MRPL33: variants seen among roughly 807,000 people sequenced by gnomAD.
MRPL33 encodes the protein mitochondrial ribosomal protein L33.
A neutral mutation model predicts 10.1 loss-of-function variants in MRPL33; 5 were observed. The ratio of observed to expected loss-of-function variants is 0.49; its 90% CI spans 0.26 to 1.04. The LOEUF is 1.04. Ranked by LOEUF, MRPL33 falls within the 50% of genes least tolerant of loss-of-function variation. The pLI, the probability that MRPL33 is intolerant of heterozygous loss-of-function variation, is 0.14. For synonymous variants in MRPL33, 24 were observed against 27.7 expected (o/e 0.87, Z 0.42); for missense variants, 79 against 78.1 (o/e 1.01, Z -0.04).
intron 3 of MRPL33, 72 bp from the exon 4 acceptor site, chr2:27,779,361 T>TA (rs1677232695): frequency 8.1e-6 from 12 of 1,488,708 alleles, no homozygotes; most frequent in Non-Finnish European, 9.1e-7. Flanking sequence ...TATGGTCTGA[T>TA]ATGTATTTTT....
intron 2 of MRPL33, among the ~76,000 whole-genome samples, chr2:27,773,179 C>T (rs1037934855): frequency 7.9e-5 from 12 of 152,152 alleles, no homozygotes; most frequent in Non-Finnish European, 1.8e-4. Context: ...TTAAAGATTC[C>T]ATGCTGTACC....
Position 27,772,654 on chromosome 2 carries a change from C to T in MRPL33, c.23-20C>T, listed in dbSNP as rs1309431905. The T allele has an allele frequency of 1.3e-6, 2 of 1,583,014 alleles. No homozygotes were observed. The highest frequency in any genetic ancestry group is 1.1e-5 in the South Asian group (1 of 87,780). On this transcript the variant is annotated intron_variant, in intron 1 of 3. Transcript: ENST00000296102. ...TTATATTTTTATTTTCTTTTCCAACCCTTCCTGTCTACAAAAAAGTTGCCA... is the reference window on the plus strand; with the variant it reads ...TTATATTTTTATTTTCTTTTCCAACTCTTCCTGTCTACAAAAAAGTTGCCA...
intron 1 of MRPL33, chr2:27,772,181 A>C (rs1460460334): frequency 3.5e-6 from 1 of 287,678 alleles, no homozygotes; most frequent in African/African-American, 2.2e-5. Context: ...GAATTGCCTG[A>C]GTAATGCGGC....
At chr2:27,778,185 C>G (rs1677211270) in intron 3 of MRPL33, among the ~76,000 whole-genome samples, 1 of 152,114 alleles carries the variant, frequency 6.6e-6, no homozygotes, top group Non-Finnish European at 1.5e-5. Flanking sequence ...CCTACTAAAC[C>G]AGAATTAAGG....
chr2:27,779,323 A>G, intron 3 of MRPL33, 110 bp from the exon 4 acceptor site: 5 of 1,273,628 alleles, frequency 3.9e-6, no homozygotes, highest in Non-Finnish European at 4.2e-6. Context: ...ATATCAAGGA[A>G]TAGTAAAATA....
chr2:27,779,580 G>A lies in MRPL33; in HGVS notation c.*98G>A. On this transcript the variant is annotated 3_prime_UTR_variant, in exon 4 of 4. Transcript: ENST00000296102. ...AGCGTGTAATAAAAGAAGAGGAAAT[G>A]GCATGGAATCACTGCCTCCTGTGAT... 5 of 1,585,438 alleles carry A rather than the reference G, an allele frequency of 3.2e-6. No homozygotes were observed. The highest frequency in any genetic ancestry group is 4.3e-6 in the Non-Finnish European group (5 of 1,170,734).
In MRPL33 at chr2:27,779,461, GA is replaced by G. The variant is rs1474512733; in HGVS notation, c.184del (p.Ile62TyrfsTer15). On this transcript the variant is annotated frameshift_variant, in exon 4 of 4. Coordinates refer to ENST00000296102, the MANE Select transcript of MRPL33 (RefSeq NM_004891.4). LOFTEE classifies it high-confidence loss of function. The stretch of plus-strand genomic sequence containing the variant: ...AACAAAGAGTCCTCTTCGTGGAAAA[GA>G]AAAAAATACGCTCCCTTTAAACGGT... ...VKQRVLFVEK[K>X]KIRSL 3 of 1,609,634 alleles carry G rather than the reference GA, an allele frequency of 1.9e-6. No homozygotes were observed. Among genetic ancestry groups the G allele is most frequent in the South Asian group, 1.1e-5 (1 of 89,746 alleles).
At chr2:27,772,985 C>T in intron 2 of MRPL33, 1 of 369,838 alleles carries the variant, frequency 2.7e-6, no homozygotes, top group African/African-American at 2.1e-5. Flanking sequence ...AACCATTGGG[C>T]TGTGCTGTAT....
intron 2 of MRPL33, among the ~76,000 whole-genome samples, chr2:27,774,094 C>T (rs1287024257): frequency 2.0e-5 from 3 of 152,166 alleles, no homozygotes; most frequent in African/African-American, 2.4e-5. Flanking sequence ...CTGTGGTTAC[C>T]AGTATTTTGA....
intron 2 of MRPL33, 181 bp downstream of exon 2, chr2:27,772,873 CCTG>C: frequency 1.7e-6 from 1 of 575,930 alleles, no homozygotes; most frequent in East Asian, 3.0e-5. Flanking sequence ...TATTTTCCCT[CCTG>C]CTGAACTGAG....
At chr2:27,773,667 T>G (rs1447263675) in intron 2 of MRPL33, among the ~76,000 whole-genome samples, 1 of 152,218 alleles carries the variant, frequency 6.6e-6, no homozygotes, top group Non-Finnish European at 1.5e-5. Context: ...TAATATTTGT[T>G]GAATCTGTGT....
chr2:27,774,163 G>A (rs1677103396), intron 2 of MRPL33, among the ~76,000 whole-genome samples: 1 of 152,138 alleles, frequency 6.6e-6, no homozygotes, highest in Non-Finnish European at 1.5e-5. Context: ...GGCTAGTCCC[G>A]CAATGTGGCT....
At chr2:27,776,963 C>T (rs1270138242) in intron 3 of MRPL33, among the ~76,000 whole-genome samples, 1 of 152,182 alleles carries the variant, frequency 6.6e-6, no homozygotes, top group Admixed American at 6.5e-5. Context: ...AGAAATTTTC[C>T]CAGGGATTCA....
intron 2 of MRPL33, 37 bp from the exon 3 acceptor site, chr2:27,774,387 G>C: frequency 6.4e-7 from 1 of 1,557,490 alleles, no homozygotes; most frequent in Non-Finnish European, 8.9e-7. Flanking sequence ...AGTTTATTTC[G>C]TCAGCTCGTA....
intron 3 of MRPL33, 38 bp downstream of exon 3, chr2:27,774,568 G>GC (rs766095603): frequency 5.9e-6 from 9 of 1,537,244 alleles, no homozygotes; most frequent in Non-Finnish European, 6.3e-6. Flanking sequence ...AAGGCCTGTT[G>GC]CCCCCTTTGT....
chr2:27,772,639 AT>A, intron 1 of MRPL33, 34 bp from the exon 2 acceptor site: 1 of 1,525,178 alleles, frequency 6.6e-7, no homozygotes, highest in Non-Finnish European at 9.0e-7. Flanking sequence ...TTATATTTTT[AT>A]TTTCTTTTCC....
At chr2:27,778,840 C>A (rs1303900291) in intron 3 of MRPL33, among the ~76,000 whole-genome samples, 1 of 152,220 alleles carries the variant, frequency 6.6e-6, no homozygotes, top group Non-Finnish European at 1.5e-5. Flanking sequence ...AGGTGTGAGT[C>A]ACTGCGCCCA....
intron 2 of MRPL33, among the ~76,000 whole-genome samples, chr2:27,774,132 T>C (rs982936594): frequency 1.3e-5 from 2 of 152,244 alleles, no homozygotes; most frequent in African/African-American, 4.8e-5. Flanking sequence ...CTTCTGCTCC[T>C]CGTGAAGGGT....
At chr2:27,775,713 G>A (rs1318257385) in intron 3 of MRPL33, among the ~76,000 whole-genome samples, 1 of 152,154 alleles carries the variant, frequency 6.6e-6, no homozygotes, top group Non-Finnish European at 1.5e-5. Flanking sequence ...AAGGCTCCAA[G>A]AAGCACAGTT....
Sources: gnomAD v4.1 joint callset for allele counts (sites outside exome capture counted in the v4.1 genomes callset) on GRCh38, gnomAD v4.1.1 for gene constraint, MANE v1.5 for transcripts, NCBI Gene and HGNC (gene_info 2026-07-23, HGNC 2026-07-21) for gene names.